ZPLD1: variants seen among roughly 807,000 people sequenced by gnomAD.
ZPLD1 encodes zona pellucida-like domain-containing protein 1.
A neutral mutation model predicts 47.2 loss-of-function variants in ZPLD1; 34 were observed. The observed-to-expected ratio is 0.72, with a 90% CI of 0.55 to 0.96. The LOEUF (loss-of-function observed/expected upper bound fraction) is 0.96, where lower values mean the gene tolerates loss of function less well. ZPLD1 is among the 40% of genes least tolerant of loss of function. The probability of loss-of-function intolerance (pLI) is 0.00; values close to 1 mark genes in which losing one functional copy is unlikely to be tolerated. For missense variants in ZPLD1, 512 were observed against 505.8 expected, an observed-to-expected ratio of 1.01 and a Z score of -0.12; for synonymous variants, 176 against 186.2, an observed-to-expected ratio of 0.95 and a Z score of 0.45.
intron 10 of ZPLD1, among the ~76,000 whole-genome samples, chr3:102,474,827 C>G (rs1707734682): frequency 6.6e-6 from 1 of 151,996 alleles, no homozygotes; most frequent in Non-Finnish European, 1.5e-5. Flanking sequence ...GTTTGGTATT[C>G]CAATCAGTTC....
intron 5 of ZPLD1, 139 bp downstream of exon 5, chr3:102,456,513 C>CA: frequency 1.4e-6 from 1 of 713,696 alleles, no homozygotes; most frequent in Non-Finnish European, 2.4e-6. Flanking sequence ...CATATTATGT[C>CA]TAATATATTT....
At position 102,456,245 on chromosome 3, in the gene ZPLD1, T is replaced by C. The variant is rs1707410859; in HGVS notation, c.380T>C (p.Val127Ala). 6.2e-7 allele frequency: 1 copy of C among 1,613,752 alleles called. No homozygotes were observed. The highest frequency in any genetic ancestry group is 8.5e-7 in the Non-Finnish European group (1 of 1,179,840). Residue 127 changes from valine to alanine, a missense_variant, in exon 5 of 12, where the codon GTA (valine) becomes GCA (alanine). Transcript: ENST00000466937. ...SAYGNATSVQVGNISGYIDTP... is the reference protein window; with the variant it reads ...SAYGNATSVQAGNISGYIDTP... ...TATGGAAATGCAACTTCAGTGCAAG[T>C]AGGAAATATTTCAGGATATATTGAT...
At chr3:102,407,392 A>AATATATATATATATAT (rs63183460) in intron 7 of ZPLD1, among the ~76,000 whole-genome samples, 7 of 37,886 alleles carry the variant, frequency 1.8e-4, no homozygotes, top group Non-Finnish European at 2.5e-4. Context: ...TTGATTTTCA[A>AATATATATATATATAT]ATATATATAT....
At chr3:102,413,844 T>C (rs570649140) in intron 7 of ZPLD1, among the ~76,000 whole-genome samples, 6 of 151,898 alleles carry the variant, frequency 4.0e-5, no homozygotes, top group African/African-American at 1.4e-4. Context: ...GCATATAAAA[T>C]TTGGGTGATT....
intron 7 of ZPLD1, among the ~76,000 whole-genome samples, chr3:102,397,191 G>T (rs766496686): frequency 6.6e-6 from 1 of 151,946 alleles, no homozygotes; most frequent in Non-Finnish European, 1.5e-5. Flanking sequence ...CATCTACTTT[G>T]TGCATACCCA....
At chr3:102,401,013 A>G (rs1365508579) in intron 7 of ZPLD1, among the ~76,000 whole-genome samples, 1 of 152,042 alleles carries the variant, frequency 6.6e-6, no homozygotes, top group Non-Finnish European at 1.5e-5. Context: ...TTTCTAACCC[A>G]TTGCACCCAT....
intron 3 of ZPLD1, among the ~76,000 whole-genome samples, chr3:102,447,128 C>T (rs1707269204): frequency 6.6e-6 from 1 of 152,072 alleles, no homozygotes; most frequent in African/African-American, 2.4e-5. Context: ...TGCAGTGGCA[C>T]ACTCTCGGCT....
intron 1 of ZPLD1, among the ~76,000 whole-genome samples, chr3:102,436,001 C>T (rs1707085547): frequency 6.6e-6 from 1 of 152,188 alleles, no homozygotes; most frequent in Non-Finnish European, 1.5e-5. Context: ...TTATCTGAAT[C>T]TATACCTGCT....
At chr3:102,455,956 CCTTT>C (rs1707406698) in intron 4 of ZPLD1, among the ~76,000 whole-genome samples, 2 of 152,206 alleles carry the variant, frequency 1.3e-5, no homozygotes, top group South Asian at 2.1e-4. Flanking sequence ...CCTATAATCT[CCTTT>C]CTTTTTTATA....
At chr3:102,433,327 A>G (rs1707039755), upstream of ZPLD1, among the ~76,000 whole-genome samples, 1 of 152,202 alleles carries the variant, frequency 6.6e-6, no homozygotes, top group African/African-American at 2.4e-5. Flanking sequence ...TCCTGATTCT[A>G]ACAGTGGCTG....
chr3:102,475,786 C>T (rs1707750338), intron 10 of ZPLD1, among the ~76,000 whole-genome samples: 1 of 152,072 alleles, frequency 6.6e-6, no homozygotes, highest in Non-Finnish European at 1.5e-5. Flanking sequence ...ACTTCAGAAT[C>T]AGACAGCAGA....
intron 7 of ZPLD1, among the ~76,000 whole-genome samples, chr3:102,398,878 G>GCA (rs10564376): frequency 0.01 from 1,542 of 149,168 alleles, 12 homozygotes; most frequent in East Asian, 0.023. Context: ...GCGTGCGCAC[G>GCA]CACACACACA....
intron 6 of ZPLD1, among the ~76,000 whole-genome samples, chr3:102,461,223 AC>A (rs1409678275): frequency 1.3e-5 from 2 of 152,024 alleles, no homozygotes; most frequent in Non-Finnish European, 2.9e-5. Flanking sequence ...GAACATTAAA[AC>A]TTTTCTGCCA....
chr3:102,460,374 G>A (rs1387509659), intron 6 of ZPLD1, among the ~76,000 whole-genome samples: 1 of 151,958 alleles, frequency 6.6e-6, no homozygotes. Context: ...GTATACTGAG[G>A]GGAAATTATA....
intron 6 of ZPLD1, among the ~76,000 whole-genome samples, chr3:102,387,893 C>T (rs913457927): frequency 2.0e-4 from 24 of 119,894 alleles, no homozygotes; most frequent in South Asian, 2.7e-4. Context: ...GAGTCTCTCT[C>T]TCTGTCGCCC....
At chr3:102,407,442 TAC>T (rs746526325) in intron 7 of ZPLD1, among the ~76,000 whole-genome samples, 36 of 95,502 alleles carry the variant, frequency 3.8e-4, no homozygotes, top group South Asian at 1.7e-3. Flanking sequence ...TATATATATA[TAC>T]ACACATATGC....
chr3:102,409,081 G>A (rs1325012711), intron 7 of ZPLD1, among the ~76,000 whole-genome samples: 3 of 151,760 alleles, frequency 2.0e-5, no homozygotes, highest in Non-Finnish European at 4.4e-5. Flanking sequence ...CACAATAGGA[G>A]TTTACTTGGC....
chr3:102,435,024 T>C lies in ZPLD1; in HGVS notation c.-253T>C. On this transcript the variant is annotated 5_prime_UTR_variant, in exon 1 of 12. Coordinates refer to ENST00000466937, the MANE Select transcript of ZPLD1 (RefSeq NM_001329788.2). ...ATGTTTTTGAGGAATGTAAAGGGTG[T>C]TAACATAATCCCCCAATCCCATACA... 6.3e-6 allele frequency: 9 copies of C among 1,436,380 alleles called. No homozygotes were observed. Among genetic ancestry groups the C allele is most frequent in the Non-Finnish European group, 7.8e-6 (8 of 1,021,508 alleles). 89.0% of individuals were successfully genotyped at this position (1,436,380 alleles called of 1,614,324 possible). A position where few individuals can be genotyped will look rare whatever the true frequency, so the allele number is the denominator to read the frequency against.
At chr3:102,412,658 A>G (rs1706758551) in intron 7 of ZPLD1, among the ~76,000 whole-genome samples, 1 of 151,782 alleles carries the variant, frequency 6.6e-6, no homozygotes. Flanking sequence ...ACAGAAAGAT[A>G]GAGTTTACTT....
Sources: allele counts gnomAD v4.1 joint callset (sites outside exome capture counted in the v4.1 genomes callset), GRCh38; gene constraint gnomAD v4.1.1; transcripts MANE v1.5; gene names NCBI Gene and HGNC (gene_info 2026-07-23, HGNC 2026-07-21).